The following ZBBX variants were observed in gnomAD, a reference collection of about 807,000 sequenced individuals.
The protein encoded by ZBBX is zinc finger B-box domain containing.
A neutral mutation model predicts 108.5 loss-of-function variants in ZBBX; 101 were observed. That is an observed-to-expected ratio of 0.93 (90% CI 0.79 to 1.10). The LOEUF (loss-of-function observed/expected upper bound fraction) is 1.10. ZBBX is among the 50% of genes least tolerant of loss of function. The probability of loss-of-function intolerance (pLI) is 0.00; values close to 1 mark genes in which losing one functional copy is unlikely to be tolerated. For synonymous variants in ZBBX, 356 were observed against 323.4 expected (o/e 1.10, Z -1.08); for missense variants, 1,009 against 941.4 (o/e 1.07, Z -0.94).
chr3:167,225,948 A>G, the ZBBX span, among the ~76,000 whole-genome samples: 19 of 151,596 alleles, frequency 1.3e-4, no homozygotes, highest in African/African-American at 4.1e-4. Context: ...ATAAAAGCCT[A>G]TTCAGGTGGA....
At chr3:167,362,670 C>A (rs1250640746) in intron 6 of ZBBX, among the ~76,000 whole-genome samples, 3 of 152,124 alleles carry the variant, frequency 2.0e-5, no homozygotes, top group African/African-American at 7.2e-5. Context: ...TGAAAGCCAC[C>A]TTTGCTTAGA....
chr3:167,357,471 G>C (rs547438009), intron 8 of ZBBX, among the ~76,000 whole-genome samples: 1 of 152,222 alleles, frequency 6.6e-6, no homozygotes, highest in South Asian at 2.1e-4. Flanking sequence ...GAGAATTCAA[G>C]AGAGAATGGG....
At chr3:167,228,419 GA>G in the ZBBX span, among the ~76,000 whole-genome samples, 1 of 151,744 alleles carries the variant, frequency 6.6e-6, no homozygotes, top group South Asian at 2.1e-4. Flanking sequence ...GCAGTCTCAA[GA>G]AAGACTCATT....
Position 167,251,941 on chromosome 3 carries a change from C to CAT in ZBBX, c.2255-9299_2255-9298insAT, listed in dbSNP as rs1391837282. Among the ~76,000 whole-genome samples, 9 of 151,012 alleles carry CAT rather than the reference C, an allele frequency of 6.0e-5. No homozygotes were observed. In the East Asian group the frequency reaches 1.8e-3, roughly 29 times the overall value. On this transcript the variant is annotated intron_variant, in intron 20 of 21. Transcript: ENST00000675490. ...TGTGCCTGCAACACACACACACACA[C>CAT]ACACACACACACACACACATCTGTC...
chr3:167,303,727 A>G (rs934954917), intron 17 of ZBBX, among the ~76,000 whole-genome samples: 3 of 152,166 alleles, frequency 2.0e-5, no homozygotes, highest in Non-Finnish European at 4.4e-5. Flanking sequence ...TGTTGAGGCT[A>G]TCTGTTGCTG....
At position 167,353,473 on chromosome 3, in the gene ZBBX, T is replaced by C. The variant is rs377190463; in HGVS notation, c.433-2958A>G. ...TAACTAAACACATGGACATACAGAG[T>C]AGAAAAATAGACACTGGACACTCCA... On this transcript the variant is annotated intron_variant, in intron 8 of 21. Transcript: ENST00000675490. Among the ~76,000 whole-genome samples, 63 of 151,218 alleles carry C rather than the reference T, an allele frequency of 4.2e-4. No homozygotes were observed. The East Asian group carries it at 5.2e-3, about 13-fold the overall frequency.
chr3:167,246,212 T>C (rs1015531801), intron 20 of ZBBX, among the ~76,000 whole-genome samples: 4 of 152,240 alleles, frequency 2.6e-5, no homozygotes, highest in African/African-American at 9.6e-5. Context: ...TTATTAACTT[T>C]TAAATATGTT....
rs555988841 is a variant in ZBBX, at chr3:167,312,321, C to A, written c.1417+1653G>T. On this transcript the variant is annotated intron_variant, in intron 16 of 21. Transcript: ENST00000675490. ...GGTGGGGCACAGAGAATTTTTAGGA[C>A]GAGAAGGTATTCTGTATGATACTAT... Among the ~76,000 whole-genome samples, 10 of 152,098 alleles carry A rather than the reference C, an allele frequency of 6.6e-5. No homozygotes were observed. In the South Asian group the frequency reaches 1.9e-3, roughly 28 times the overall value.
chr3:167,206,791 T>C, the ZBBX span, among the ~76,000 whole-genome samples: 2 of 152,030 alleles, frequency 1.3e-5, no homozygotes, highest in East Asian at 1.9e-4. Flanking sequence ...ATTAAACACA[T>C]AGACAAATGG....
At chr3:167,262,027 C>T (rs1724633125) in intron 20 of ZBBX, among the ~76,000 whole-genome samples, 1 of 152,196 alleles carries the variant, frequency 6.6e-6, no homozygotes, top group Admixed American at 6.5e-5. Flanking sequence ...GGCCTTTCTG[C>T]TTCTTCCTCT....
At chr3:167,255,199 G>T (rs1723290059) in intron 20 of ZBBX, among the ~76,000 whole-genome samples, 1 of 151,798 alleles carries the variant, frequency 6.6e-6, no homozygotes, top group South Asian at 2.1e-4. Context: ...GTGATAAAGG[G>T]CTAACTAGCA....
chr3:167,389,933 T>C (rs563375565), intron 1 of ZBBX, among the ~76,000 whole-genome samples: 15 of 152,180 alleles, frequency 9.9e-5, no homozygotes, highest in Non-Finnish European at 1.8e-4. Flanking sequence ...ACTCTGACTA[T>C]AGTTTCTTTT....
At chr3:167,301,954 TAAAAAA>T (rs71176635) in intron 17 of ZBBX, among the ~76,000 whole-genome samples, 8 of 92,142 alleles carry the variant, frequency 8.7e-5, no homozygotes, top group East Asian at 3.2e-4. Flanking sequence ...AAGACTCCGT[TAAAAAA>T]AAAAAAAAAA....
At chr3:167,318,689 C>A (rs1735877104) in intron 12 of ZBBX, among the ~76,000 whole-genome samples, 1 of 151,888 alleles carries the variant, frequency 6.6e-6, no homozygotes, top group Non-Finnish European at 1.5e-5. Flanking sequence ...TTACACATAT[C>A]CTCATTCACT....
At chr3:167,207,374 T>A in the ZBBX span, among the ~76,000 whole-genome samples, 913 of 152,316 alleles carry the variant, frequency 6.0e-3, 10 homozygotes, top group African/African-American at 0.021. Flanking sequence ...TAATGTGTTT[T>A]TTCCTAGTGT....
chr3:167,288,893 G>T lies in ZBBX; in HGVS notation c.1970C>A (p.Ser657Ter). ...CATCTTTTGCTGTTTTCTACTTGAT[G>T]ATGGACTCTGAGCACCCTGCAGAAC... is the stretch of plus-strand genomic sequence containing the variant. ...LGVLQGAQSPSSSRKQQKMGQ... is the reference protein window; with the variant it reads ...LGVLQGAQSP The change falls in exon 19 of 22, where the codon TCA becomes TAA. Residue 657 changes from serine (S) to a stop codon, truncating the protein, a stop_gained. Coordinates refer to ENST00000675490, the MANE Select transcript of ZBBX (RefSeq NM_001199201.2). LOFTEE classifies it high-confidence loss of function. 6.5e-7 allele frequency: 1 copy of T among 1,535,748 alleles called. No individual in the cohort carries two copies.
intron 1 of ZBBX, among the ~76,000 whole-genome samples, chr3:167,395,932 A>G (rs1748222161): frequency 6.6e-6 from 1 of 151,938 alleles, no homozygotes; most frequent in Admixed American, 6.6e-5. Flanking sequence ...AGCTTCCTGG[A>G]GTCTACTTTA....
chr3:167,207,139 C>A, the ZBBX span, among the ~76,000 whole-genome samples: 1 of 152,090 alleles, frequency 6.6e-6, no homozygotes, highest in Non-Finnish European at 1.5e-5. Context: ...AGGACTATAT[C>A]AAAGTATCTG....
the ZBBX span, among the ~76,000 whole-genome samples, chr3:167,190,690 T>A: frequency 1.3e-5 from 2 of 152,120 alleles, no homozygotes; most frequent in African/African-American, 2.4e-5. Context: ...CATGTTTTTA[T>A]CACTAGAGAT....
Sources: allele counts gnomAD v4.1 joint callset (sites outside exome capture counted in the v4.1 genomes callset), GRCh38; gene constraint gnomAD v4.1.1; transcripts MANE v1.5; gene names NCBI Gene and HGNC (gene_info 2026-07-23, HGNC 2026-07-21).